The following DLGAP1 variants were observed in gnomAD, a reference collection of about 807,000 sequenced individuals.
The protein encoded by DLGAP1 is disks large-associated protein 1.
Under a neutral mutation model 90.8 loss-of-function variants are expected in DLGAP1, and 11 were observed. The observed-to-expected ratio is 0.12, with a 90% confidence interval of 0.08 to 0.20. DLGAP1 has a LOEUF of 0.20. DLGAP1 is among the 10% of genes least tolerant of loss of function. The probability of loss-of-function intolerance (pLI) is 1.00; values close to 1 mark genes in which losing one functional copy is unlikely to be tolerated. For missense variants in DLGAP1, 1,050 were observed against 1,333.8 expected (o/e 0.79, Z 3.31); for synonymous variants, 558 against 540.7 (o/e 1.03, Z -0.44).
chr18:3,906,080 C>T (rs1199447516), intron 3 of DLGAP1, among the ~76,000 whole-genome samples: 1 of 152,198 alleles, frequency 6.6e-6, no homozygotes, highest in Non-Finnish European at 1.5e-5. Context: ...ACTCTCCTTT[C>T]ACCTAATCCG....
rs148095262 is a variant in DLGAP1, at chr18:4,432,025, C to T, written c.-267+22981G>A. 3.3e-5 allele frequency among the ~76,000 whole-genome samples: 5 copies of T among 152,232 alleles called. No individual in the cohort carries two copies. The East Asian group carries it at 9.6e-4, about 29-fold the overall frequency. On this transcript the variant is annotated intron_variant, in intron 1 of 12. Transcript: ENST00000315677. The stretch of plus-strand genomic sequence containing the variant: ...TTGCTGATTGTATAGATACAACTTC[C>T]GTTTTTTTATTCCAGTCTTTGTTTT...
chr18:4,119,318 T>A (rs921721794), intron 2 of DLGAP1, among the ~76,000 whole-genome samples: 4 of 152,146 alleles, frequency 2.6e-5, no homozygotes, highest in Admixed American at 6.5e-5. Context: ...CTTCTTGAAC[T>A]CCTGGGCTCA....
At chr18:3,571,932 C>A (rs1365841015) in intron 8 of DLGAP1, among the ~76,000 whole-genome samples, 1 of 152,082 alleles carries the variant, frequency 6.6e-6, no homozygotes, top group Non-Finnish European at 1.5e-5. Flanking sequence ...GTTTTTGTTA[C>A]TACTGTGAAT....
chr18:3,742,168 C>T (rs779661293), intron 6 of DLGAP1, among the ~76,000 whole-genome samples, 167 bp downstream of exon 6: 1 of 152,200 alleles, frequency 6.6e-6, no homozygotes, highest in Non-Finnish European at 1.5e-5. Flanking sequence ...GGGCTTACTG[C>T]GGCTGAACCC....
chr18:3,772,319 TTCC>T (rs1217315268), intron 5 of DLGAP1, among the ~76,000 whole-genome samples: 3 of 109,868 alleles, frequency 2.7e-5, no homozygotes, highest in African/African-American at 9.0e-5. Context: ...CCTTCCTTCC[TTCC>T]TTTCTCTCCT....
chr18:4,372,054 CAA>C (rs1311907825), intron 1 of DLGAP1, among the ~76,000 whole-genome samples: 1 of 152,106 alleles, frequency 6.6e-6, no homozygotes, highest in Non-Finnish European at 1.5e-5. Flanking sequence ...AGCTGCACAC[CAA>C]AGATATTCTT....
At chr18:3,633,759 C>A (rs1419621020) in intron 7 of DLGAP1, among the ~76,000 whole-genome samples, 1 of 152,156 alleles carries the variant, frequency 6.6e-6, no homozygotes, top group Non-Finnish European at 1.5e-5. Context: ...CACATGTATA[C>A]ACTTTTATTA....
intron 1 of DLGAP1, among the ~76,000 whole-genome samples, chr18:4,156,541 A>T (rs762934770): frequency 6.6e-6 from 1 of 152,152 alleles, no homozygotes. Context: ...ATCATACTTT[A>T]CATTTTGGCA....
chr18:4,064,693 G>C (rs2075347278), intron 2 of DLGAP1, among the ~76,000 whole-genome samples: 1 of 151,878 alleles, frequency 6.6e-6, no homozygotes, highest in Non-Finnish European at 1.5e-5. Context: ...GACTGAAGTA[G>C]TAATAAATAG....
intron 3 of DLGAP1, among the ~76,000 whole-genome samples, chr18:3,979,217 G>C (rs1406043563): frequency 6.7e-6 from 1 of 148,450 alleles, no homozygotes; most frequent in Non-Finnish European, 1.5e-5. Context: ...AGTCCCATAA[G>C]ACTATAGAGC....
chr18:4,450,988 C>T (rs1212413307), intron 1 of DLGAP1, among the ~76,000 whole-genome samples: 1 of 152,200 alleles, frequency 6.6e-6, no homozygotes, highest in Non-Finnish European at 1.5e-5. Context: ...ATCCACAGGG[C>T]TTCCTTTTGC....
At chr18:4,370,165 T>G (rs1187735279) in intron 1 of DLGAP1, among the ~76,000 whole-genome samples, 1 of 152,156 alleles carries the variant, frequency 6.6e-6, no homozygotes, top group East Asian at 1.9e-4. Flanking sequence ...TCCTGCTGAA[T>G]GTTTAGAATT....
chr18:4,150,920 G>A lies in DLGAP1; in HGVS notation c.-159+260C>T, dbSNP rs543521304. On this transcript the variant is annotated intron_variant, in intron 2 of 12. Transcript: ENST00000315677. The stretch of plus-strand genomic sequence containing the variant: ...AAAAATGGCATGTGCCCAATATGCC[G>A]TTCCAGATTAACAACAACAATGAAG... Among the ~76,000 whole-genome samples, 56 of 152,262 alleles carry A rather than the reference G, an allele frequency of 3.7e-4. No individual in the cohort carries two copies. In the South Asian group the frequency reaches 9.3e-3, roughly 25 times the overall value.
At chr18:4,386,194 C>T (rs1226499723) in intron 1 of DLGAP1, among the ~76,000 whole-genome samples, 4 of 152,092 alleles carry the variant, frequency 2.6e-5, no homozygotes, top group Non-Finnish European at 4.4e-5. Flanking sequence ...TTATCCTATC[C>T]TCATTTATCA....
intron 1 of DLGAP1, among the ~76,000 whole-genome samples, chr18:4,172,886 A>G (rs976081206): frequency 6.6e-6 from 1 of 152,284 alleles, no homozygotes; most frequent in African/African-American, 2.4e-5. Flanking sequence ...GCAGGCTGAA[A>G]GCCACTTTGA....
chr18:3,902,295 A>T (rs1258163534), intron 3 of DLGAP1, among the ~76,000 whole-genome samples: 1 of 152,206 alleles, frequency 6.6e-6, no homozygotes, highest in East Asian at 1.9e-4. Context: ...CCAAATGGCA[A>T]GGCAAATGGA....
intron 7 of DLGAP1, among the ~76,000 whole-genome samples, chr18:3,677,595 C>G (rs2060353619): frequency 1.3e-5 from 2 of 152,202 alleles, no homozygotes; most frequent in African/African-American, 4.8e-5. Flanking sequence ...TTCTAGCGTG[C>G]CTATGACCAT....
intron 2 of DLGAP1, among the ~76,000 whole-genome samples, chr18:4,046,067 A>C (rs1162688249): frequency 6.6e-6 from 1 of 152,228 alleles, no homozygotes; most frequent in Non-Finnish European, 1.5e-5. Flanking sequence ...AAGAAGCTTC[A>C]GTTTACCTGC....
chr18:3,966,021 G>T (rs2073322770), intron 3 of DLGAP1, among the ~76,000 whole-genome samples: 1 of 150,298 alleles, frequency 6.7e-6, no homozygotes, highest in Non-Finnish European at 1.5e-5. Context: ...CAATGTAGTT[G>T]TCAGATACAG....
Sources: gnomAD v4.1 joint callset for allele counts (sites outside exome capture counted in the v4.1 genomes callset) on GRCh38, gnomAD v4.1.1 for gene constraint, MANE v1.5 for transcripts, NCBI Gene and HGNC (gene_info 2026-07-23, HGNC 2026-07-21) for gene names.